Variants in HERC3 observed in about 807,000 individuals in gnomAD.
HERC3 encodes the protein HECT and RLD domain containing E3 ubiquitin protein ligase 3.
Under a neutral mutation model 129.9 loss-of-function variants are expected in HERC3, and 58 were observed. The observed-to-expected ratio is 0.45, with a 90% CI of 0.36 to 0.56. The LOEUF (loss-of-function observed/expected upper bound fraction) is 0.56. Among genes scored for constraint, HERC3 ranks in the 20% least tolerant of loss-of-function variants. The pLI, the probability that HERC3 is intolerant of heterozygous loss-of-function variation, is 0.00. For missense variants in HERC3, 835 were observed against 1,244.2 expected, an observed-to-expected ratio of 0.67 and a Z score of 4.95; for synonymous variants, 430 against 451.0, an observed-to-expected ratio of 0.95 and a Z score of 0.59.
At chr4:88,573,326 T>C in the HERC3 span, among the ~76,000 whole-genome samples, 1 of 152,368 alleles carries the variant, frequency 6.6e-6, no homozygotes, top group South Asian at 2.1e-4. Context: ...ATCCAGCCAC[T>C]ATTCCAGTCA....
At chr4:88,703,774 C>T (rs1311391961) in intron 23 of HERC3, among the ~76,000 whole-genome samples, 3 of 152,190 alleles carry the variant, frequency 2.0e-5, no homozygotes, top group Non-Finnish European at 4.4e-5. Flanking sequence ...TTTTTCCACA[C>T]TAAATTTTAA....
chr4:88,608,169 G>A (rs1036020923), intron 3 of HERC3, among the ~76,000 whole-genome samples: 2 of 152,194 alleles, frequency 1.3e-5, no homozygotes, highest in African/African-American at 4.8e-5. Context: ...AAATGTCAGT[G>A]TAAATTTATA....
chr4:88,558,074 A>AAT, the HERC3 span, among the ~76,000 whole-genome samples: 1 of 134,446 alleles, frequency 7.4e-6, no homozygotes. Context: ...TCTGACTCAA[A>AAT]AAAAAAAAAA....
chr4:88,547,211 T>C, the HERC3 span, among the ~76,000 whole-genome samples: 11 of 152,214 alleles, frequency 7.2e-5, no homozygotes, highest in African/African-American at 2.7e-4. Flanking sequence ...TTCTTAATTT[T>C]TATTCTTTGC....
At chr4:88,697,620 G>C (rs755992690) in intron 23 of HERC3, 2 of 1,609,272 alleles carry the variant, frequency 1.2e-6, no homozygotes, top group South Asian at 2.2e-5. Flanking sequence ...CAGCCGCGCT[G>C]TCAGGGTCAC....
At chr4:88,637,758 TGAAG>T (rs1022321080) in intron 3 of HERC3, among the ~76,000 whole-genome samples, 8 of 152,076 alleles carry the variant, frequency 5.3e-5, no homozygotes, top group African/African-American at 1.9e-4. Context: ...AGAGCGGAAC[TGAAG>T]GAGATAGAGA....
At chr4:88,612,289 C>CTGTGGGTG (rs1553931442) in intron 3 of HERC3, among the ~76,000 whole-genome samples, 1 of 141,598 alleles carries the variant, frequency 7.1e-6, no homozygotes, top group Non-Finnish European at 1.5e-5. Flanking sequence ...ATGTGACCAA[C>CTGTGGGTG]TGTGTGTGTG....
intron 20 of HERC3, 114 bp from the exon 21 acceptor site, chr4:88,681,045 A>G (rs1732719498): frequency 2.1e-6 from 3 of 1,460,920 alleles, no homozygotes; most frequent in East Asian, 2.3e-5. Context: ...GTAACTAAAT[A>G]TTAATGAGAC....
chr4:88,631,960 T>C (rs533786741), intron 3 of HERC3, among the ~76,000 whole-genome samples: 20 of 152,258 alleles, frequency 1.3e-4, no homozygotes, highest in Middle Eastern at 3.4e-3. Context: ...GGCAGGCACA[T>C]TGGGAAAGAA....
the HERC3 span, among the ~76,000 whole-genome samples, chr4:88,551,589 A>G: frequency 6.6e-6 from 1 of 151,876 alleles, no homozygotes; most frequent in Admixed American, 6.6e-5. Flanking sequence ...ATGAGATACC[A>G]TCTCACACCA....
At chr4:88,693,198 T>A (rs895430904) in intron 23 of HERC3, 8 of 982,060 alleles carry the variant, frequency 8.1e-6, no homozygotes, top group Admixed American at 6.2e-5. Flanking sequence ...TTTTTTCTCT[T>A]CCCCCCCACC....
chr4:88,571,110 T>G, the HERC3 span, among the ~76,000 whole-genome samples: 6 of 152,046 alleles, frequency 3.9e-5, no homozygotes, highest in East Asian at 1.2e-3. Flanking sequence ...CAGGCTGGAG[T>G]GCAGTGGTCA....
rs769780626 is a variant in HERC3 at position 88,687,244 on chromosome 4, G to T, written c.2602G>T (p.Glu868Ter). Residue 868 changes from glutamate to a stop codon, truncating the protein, a stop_gained, in exon 23 of 26, where the codon GAA (glutamate) becomes TAA (stop). Coordinates refer to ENST00000402738, the MANE Select transcript of HERC3 (RefSeq NM_014606.3). LOFTEE classifies it high-confidence loss of function. ...CTGCCGAGAAAGCTATGGAGTGATTGAACAGAAGAAGCTGATACCTGGGGG... is the reference window on the plus strand; with the variant it reads ...CTGCCGAGAAAGCTATGGAGTGATTTAACAGAAGAAGCTGATACCTGGGGG... ...TICRESYGVI[E>*]QKKLIPGGDN... 6.2e-7 allele frequency: 1 copy of T among 1,612,724 alleles called. No homozygotes were observed. The highest frequency in any genetic ancestry group is 8.5e-7 in the Non-Finnish European group (1 of 1,178,986).
At chr4:88,581,452 C>T in the HERC3 span, among the ~76,000 whole-genome samples, 1 of 146,922 alleles carries the variant, frequency 6.8e-6, no homozygotes, top group Non-Finnish European at 1.5e-5. Flanking sequence ...TGCCCGCGAC[C>T]ATGCCTGGCT....
chr4:88,559,205 A>G, the HERC3 span, among the ~76,000 whole-genome samples: 2 of 152,220 alleles, frequency 1.3e-5, no homozygotes, highest in African/African-American at 2.4e-5. Flanking sequence ...CATGCTTAGC[A>G]TTCCAATAAT....
the HERC3 span, among the ~76,000 whole-genome samples, chr4:88,548,932 A>G: frequency 6.6e-6 from 1 of 152,158 alleles, no homozygotes; most frequent in African/African-American, 2.4e-5. Flanking sequence ...AACTGCTGGG[A>G]TTACAGGCGT....
At chr4:88,689,954 A>G (rs1733904633) in intron 23 of HERC3, 2 of 973,838 alleles carry the variant, frequency 2.1e-6, no homozygotes, top group African/African-American at 3.5e-5. Flanking sequence ...TTTTTTTGTC[A>G]TGTTAACCTT....
chr4:88,639,866 G>C (rs1462370683), intron 3 of HERC3, among the ~76,000 whole-genome samples: 1 of 151,702 alleles, frequency 6.6e-6, no homozygotes, highest in East Asian at 1.9e-4. Context: ...GAATCTACAA[G>C]GAACTTAAAC....
intron 3 of HERC3, among the ~76,000 whole-genome samples, chr4:88,631,731 T>C (rs990290905): frequency 6.6e-6 from 1 of 152,236 alleles, no homozygotes; most frequent in Non-Finnish European, 1.5e-5. Context: ...TGCCTTTATT[T>C]TTTCATTTAG....
Sources: allele counts gnomAD v4.1 joint callset (sites outside exome capture counted in the v4.1 genomes callset), GRCh38; gene constraint gnomAD v4.1.1; transcripts MANE v1.5; gene names NCBI Gene and HGNC (gene_info 2026-07-23, HGNC 2026-07-21).